HSF2BP: variants seen among roughly 807,000 people sequenced by gnomAD.
The protein encoded by HSF2BP is heat shock factor 2-binding protein.
In HSF2BP, 35 loss-of-function variants were observed where a neutral mutation model predicts 35.0. The ratio of observed to expected loss-of-function variants is 1.00; its 90% CI spans 0.76 to 1.32. The LOEUF (loss-of-function observed/expected upper bound fraction) is 1.32. Among genes scored for constraint, HSF2BP ranks in the 40% most tolerant of loss-of-function variants. HSF2BP has a pLI of 0.00. For missense variants in HSF2BP, 326 were observed against 321.7 expected, an observed-to-expected ratio of 1.01 and a Z score of -0.10; for synonymous variants, 114 against 117.4, an observed-to-expected ratio of 0.97 and a Z score of 0.18.
At chr21:43,641,989 C>T (rs1272614097) in intron 4 of HSF2BP, among the ~76,000 whole-genome samples, 6 of 151,474 alleles carry the variant, frequency 4.0e-5, no homozygotes, top group Non-Finnish European at 8.8e-5. Flanking sequence ...TTTCCTGGGT[C>T]CTCAATTCTA....
intron 7 of HSF2BP, chr21:43,609,778 C>T (rs773316970): frequency 6.6e-6 from 1 of 152,344 alleles, no homozygotes. Context: ...AGGGGGAAGG[C>T]CCCTCTCAGG....
At chr21:43,610,787 T>C (rs1265635373) in intron 7 of HSF2BP, among the ~76,000 whole-genome samples, 1 of 152,220 alleles carries the variant, frequency 6.6e-6, no homozygotes, top group African/African-American at 2.4e-5. Context: ...AAAATGTCCA[T>C]GTACTACTTC....
chr21:43,612,649 T>C (rs201892507), intron 7 of HSF2BP, among the ~76,000 whole-genome samples: 1 of 19,780 alleles, frequency 5.1e-5, no homozygotes, highest in African/African-American at 2.1e-4. Context: ...AGACTCCGTC[T>C]CAAAAAAAAA....
chr21:43,574,979 C>T (rs1035956863), intron 8 of HSF2BP, among the ~76,000 whole-genome samples: 1 of 152,176 alleles, frequency 6.6e-6, no homozygotes, highest in Non-Finnish European at 1.5e-5. Flanking sequence ...CTGACAGAAC[C>T]CACAGGGCTC....
rs1601625908 is a variant in HSF2BP at position 43,587,461 on chromosome 21, T to A, written c.796+4764A>T. Among the ~76,000 whole-genome samples the A allele has an allele frequency of 3.3e-5, 5 of 149,432 alleles. No homozygotes were observed. In the South Asian group the frequency reaches 1.1e-3, roughly 32 times the overall value. ...CGGGCAGATCACCTGAGGGCGGGAG[T>A]TCGAGACCAACCTGACCAACATGGA... On this transcript the variant is annotated intron_variant, in intron 8 of 8. Coordinates refer to ENST00000291560, the MANE Select transcript of HSF2BP (RefSeq NM_007031.2).
the HSF2BP span, among the ~76,000 whole-genome samples, chr21:43,507,223 G>C: frequency 8.0e-6 from 1 of 125,652 alleles, no homozygotes; most frequent in East Asian, 2.1e-4. Context: ...CCCTGAGAAA[G>C]AGACAGAGCT....
At chr21:43,467,989 CCCACACACA>C in the HSF2BP span, among the ~76,000 whole-genome samples, 31 of 103,378 alleles carry the variant, frequency 3.0e-4, no homozygotes, top group African/African-American at 1.2e-3. Context: ...ACACACCACA[CCCACACACA>C]CCACACACAC....
chr21:43,630,178 G>A, intron 6 of HSF2BP, 144 bp downstream of exon 6: 2 of 563,062 alleles, frequency 3.6e-6, no homozygotes, highest in Middle Eastern at 7.7e-4. Flanking sequence ...ACATACAACA[G>A]ACTACAGTAT....
At chr21:43,643,696 C>T (rs559103259) in intron 4 of HSF2BP, among the ~76,000 whole-genome samples, 1 of 152,312 alleles carries the variant, frequency 6.6e-6, no homozygotes, top group Admixed American at 6.5e-5. Flanking sequence ...TGATGGCTCA[C>T]GCCTGTAATC....
chr21:43,581,330 G>T (rs11909547), intron 8 of HSF2BP, among the ~76,000 whole-genome samples: 1,893 of 151,708 alleles, frequency 0.012, 45 homozygotes, highest in African/African-American at 0.043. Flanking sequence ...GGCTTGCAGT[G>T]AGCCAAGATC....
intron 8 of HSF2BP, among the ~76,000 whole-genome samples, chr21:43,577,441 A>G (rs1003280): frequency 0.61 from 92,114 of 152,108 alleles, 28,215 homozygotes; most frequent in East Asian, 0.79. Flanking sequence ...CACATTTATT[A>G]TTTCTTAAAA....
rs973805712 is a variant in HSF2BP, at chr21:43,658,204, C to T, written c.-108G>A. On this transcript the variant is annotated 5_prime_UTR_variant, in exon 2 of 9. Transcript: ENST00000291560. ...ACGCCGGGGGTCGGGAACGGAGAGC[C>T]GCCAGGCCCAAACCTCCCAGAATTT... The T allele has an allele frequency of 5.1e-5, 66 of 1,301,922 alleles. No individual in the cohort carries two copies. Among genetic ancestry groups the T allele is most frequent in the Non-Finnish European group, 4.2e-5 (41 of 980,652 alleles). 80.6% of individuals were successfully genotyped at this position (1,301,922 alleles called of 1,614,324 possible).
intron 8 of HSF2BP, among the ~76,000 whole-genome samples, chr21:43,576,504 C>T (rs1003856808): frequency 1.3e-5 from 2 of 152,216 alleles, no homozygotes; most frequent in Non-Finnish European, 2.9e-5. Context: ...GCTATATTCA[C>T]GTTTGCTTCC....
chr21:43,651,923 A>G (rs1451100399), intron 3 of HSF2BP, among the ~76,000 whole-genome samples: 1 of 152,236 alleles, frequency 6.6e-6, no homozygotes, highest in Non-Finnish European at 1.5e-5. Context: ...ATGCTGGGCT[A>G]GAGTCAAAAT....
intron 7 of HSF2BP, among the ~76,000 whole-genome samples, chr21:43,604,489 C>A (rs1489125069): frequency 6.9e-6 from 1 of 143,960 alleles, no homozygotes; most frequent in East Asian, 2.1e-4. Context: ...ACCATACACA[C>A]ACACACCACA....
intron 7 of HSF2BP, among the ~76,000 whole-genome samples, chr21:43,609,253 G>T (rs1283210122): frequency 6.6e-6 from 1 of 152,032 alleles, no homozygotes; most frequent in African/African-American, 2.4e-5. Flanking sequence ...CATAAAGATG[G>T]GAACAAGAGA....
intron 6 of HSF2BP, among the ~76,000 whole-genome samples, chr21:43,618,364 T>C (rs945364550): frequency 2.0e-5 from 3 of 152,204 alleles, no homozygotes; most frequent in African/African-American, 4.8e-5. Flanking sequence ...TAGTTTCATC[T>C]TATTTTGAGC....
At chr21:43,499,997 CCA>C in the HSF2BP span, among the ~76,000 whole-genome samples, 2 of 82,522 alleles carry the variant, frequency 2.4e-5, no homozygotes, top group East Asian at 2.9e-4. Flanking sequence ...ACACACACAC[CCA>C]CACACCACAT....
rs989299774 is a variant in HSF2BP at position 43,601,310 on chromosome 21, AT to A, written c.693-8983del. Among the ~76,000 whole-genome samples, 17 of 151,474 alleles carry A rather than the reference AT, an allele frequency of 1.1e-4. No homozygotes were observed. The East Asian group carries it at 1.6e-3, about 14-fold the overall frequency. On this transcript the variant is annotated intron_variant, in intron 7 of 8. Transcript: ENST00000291560. ...GGAAGCTTGTAATCATCAGACTGTG[AT>A]TTTTTTTTCAATGAGAGGCACCGAA...
Sources: gnomAD v4.1 joint callset for allele counts (sites outside exome capture counted in the v4.1 genomes callset) on GRCh38, gnomAD v4.1.1 for gene constraint, MANE v1.5 for transcripts, NCBI Gene and HGNC (gene_info 2026-07-23, HGNC 2026-07-21) for gene names.